GRAMD2A: variants seen among roughly 807,000 people sequenced by gnomAD.
The protein encoded by GRAMD2A is GRAM domain containing 2A.
A neutral mutation model predicts 51.1 loss-of-function variants in GRAMD2A; 37 were observed. The observed-to-expected ratio is 0.72, with a 90% CI of 0.56 to 0.95. The LOEUF is 0.95. Among genes scored for constraint, GRAMD2A ranks in the 40% least tolerant of loss-of-function variants. The probability of loss-of-function intolerance (pLI) is 0.00; values close to 1 mark genes in which losing one functional copy is unlikely to be tolerated. For synonymous variants in GRAMD2A, 136 were observed against 157.1 expected (o/e 0.87, Z 1.01); for missense variants, 414 against 426.9 (o/e 0.97, Z 0.27).
chr15:72,197,007 A>T (rs1211166886), intron 1 of GRAMD2A, among the ~76,000 whole-genome samples: 2 of 152,176 alleles, frequency 1.3e-5, no homozygotes, highest in East Asian at 3.9e-4. Context: ...GGTTCCCCCA[A>T]ACAATGTCAC....
chr15:72,162,292 C>CATCCCA lies in GRAMD2A; in HGVS notation c.1036_1041dup (p.Trp346_Asp347dup). ...CCTCACCTGTGCCCAGGGACTGGGT[C>CATCCCA]ATCCCAACTCAAGGAGCATAACTGC... is the stretch of plus-strand genomic sequence containing the variant. On this transcript the variant is annotated inframe_insertion, in exon 11 of 12. Transcript: ENST00000309731. 2 of 1,613,454 alleles carry CATCCCA rather than the reference C, an allele frequency of 1.2e-6. No individual in the cohort carries two copies. The highest frequency in any genetic ancestry group is 8.5e-7 in the Non-Finnish European group (1 of 1,179,402).
Position 72,163,590 on chromosome 15 carries a change from T to G in GRAMD2A, c.745+23A>C, listed in dbSNP as rs373334742. ...GTCTGGCCTTTGCAAGTAGTTGCCATGGACAAGCCCTCCCGAACTTACCAG... is the reference window on the plus strand; with the variant it reads ...GTCTGGCCTTTGCAAGTAGTTGCCAGGGACAAGCCCTCCCGAACTTACCAG... On this transcript the variant is annotated intron_variant, in intron 9 of 11. Coordinates refer to ENST00000309731, the MANE Select transcript of GRAMD2A (RefSeq NM_001012642.3). The G allele has an allele frequency of 8.8e-6, 14 of 1,590,520 alleles. No homozygotes were observed. The Admixed American group carries it at 9.2e-5, about 10-fold the overall frequency.
intron 10 of GRAMD2A, among the ~76,000 whole-genome samples, chr15:72,163,050 C>G (rs1019526699): frequency 7.2e-5 from 11 of 152,144 alleles, no homozygotes; most frequent in Non-Finnish European, 2.9e-5. Context: ...TAGTCTTAAC[C>G]CTAAATTACA....
At chr15:72,167,239 T>C in intron 5 of GRAMD2A, 147 bp from the exon 6 acceptor site, 1 of 650,358 alleles carries the variant, frequency 1.5e-6, no homozygotes, top group South Asian at 1.8e-5. Context: ...CCTTCTACCT[T>C]TTCATCCAGG....
chr15:72,178,967 G>A (rs2081676982), intron 1 of GRAMD2A, among the ~76,000 whole-genome samples: 1 of 152,164 alleles, frequency 6.6e-6, no homozygotes, highest in African/African-American at 2.4e-5. Context: ...CCACTGACTG[G>A]AGGAGGGGAG....
chr15:72,181,087 T>C (rs2081693585), intron 1 of GRAMD2A, among the ~76,000 whole-genome samples: 2 of 152,152 alleles, frequency 1.3e-5, no homozygotes, highest in South Asian at 4.1e-4. Context: ...GGGGTTGCCA[T>C]ATACAAAGGC....
intron 1 of GRAMD2A, among the ~76,000 whole-genome samples, chr15:72,194,356 G>A (rs530331165): frequency 4.6e-5 from 7 of 152,328 alleles, no homozygotes; most frequent in South Asian, 2.1e-4. Flanking sequence ...AACATCTTCC[G>A]AAACTGGGAA....
chr15:72,192,025 T>C (rs543040841), intron 1 of GRAMD2A, among the ~76,000 whole-genome samples: 1 of 152,348 alleles, frequency 6.6e-6, no homozygotes, highest in Non-Finnish European at 1.5e-5. Context: ...CTGCCATTTT[T>C]TAGATGTAAT....
chr15:72,197,658 C>T, intron 1 of GRAMD2A, 73 bp downstream of exon 1: 1 of 1,191,454 alleles, frequency 8.4e-7, no homozygotes. Context: ...AGCCGTCCTG[C>T]CCCGCGCGGC....
chr15:72,169,019 C>A lies in GRAMD2A; in HGVS notation c.135-23G>T, dbSNP rs1343185590. 1.9e-6 allele frequency: 3 copies of A among 1,612,186 alleles called. No individual in the cohort carries two copies. In the Admixed American group the frequency reaches 5.0e-5, roughly 27 times the overall value. ...AGACTGCAAAGGAGACATTCCATTT[C>A]GGGAACAAGGAACCCCAGTCCTGCC... On this transcript the variant is annotated intron_variant, in intron 2 of 11. Transcript: ENST00000309731.
chr15:72,193,541 G>A (rs1480150622), intron 1 of GRAMD2A, among the ~76,000 whole-genome samples: 2 of 132,466 alleles, frequency 1.5e-5, no homozygotes, highest in Non-Finnish European at 3.1e-5. Flanking sequence ...TTTTTTTTTC[G>A]AGACGCAGTC....
intron 1 of GRAMD2A, among the ~76,000 whole-genome samples, chr15:72,186,272 C>T (rs2081733400): frequency 6.6e-6 from 1 of 151,820 alleles, no homozygotes; most frequent in Admixed American, 6.6e-5. Flanking sequence ...TTCTAATATA[C>T]ATCAAATGCC....
intron 2 of GRAMD2A, chr15:72,169,594 C>A (rs1198442346): frequency 1.5e-6 from 1 of 676,114 alleles, no homozygotes; most frequent in Non-Finnish European, 2.7e-6. Flanking sequence ...TTTGCCTTGG[C>A]CAGGTTGGCC....
chr15:72,184,153 C>G (rs1222424533), intron 1 of GRAMD2A, among the ~76,000 whole-genome samples: 1 of 152,270 alleles, frequency 6.6e-6, no homozygotes, highest in East Asian at 1.9e-4. Context: ...ACTGCCCTCG[C>G]CCCACGGCCT....
chr15:72,169,429 T>G (rs1596683456), intron 2 of GRAMD2A: 1 of 507,978 alleles, frequency 2.0e-6, no homozygotes, highest in South Asian at 1.5e-5. Context: ...CGCCGGGGCC[T>G]GGCCACAGGC....
rs1304347413 is a variant in GRAMD2A at position 72,163,464 on chromosome 15, G to A, written c.758C>T (p.Ala253Val). The change falls in exon 10 of 12, where the codon GCC becomes GTC. Residue 253 changes from alanine (A) to valine (V), a missense_variant. By Grantham distance (64) the Ala-to-Val change is moderately conservative. Transcript: ENST00000309731. The part of the protein sequence containing the change: ...RKPPMSEKSR[A>V]QVASENGGRW... The stretch of plus-strand genomic sequence containing the variant: ...CCCACCATTTTCTGAAGCTACTTGG[G>A]CTCTTGACTTTTCTTTATGGATTGG... 6.2e-7 allele frequency: 1 copy of A among 1,613,848 alleles called. No homozygotes were observed. The highest frequency in any genetic ancestry group is 1.6e-4 in the Middle Eastern group (1 of 6,062).
chr15:72,189,743 C>T (rs192354179), intron 1 of GRAMD2A, among the ~76,000 whole-genome samples: 1 of 152,114 alleles, frequency 6.6e-6, no homozygotes, highest in Non-Finnish European at 1.5e-5. Context: ...ACCTATGAAG[C>T]AGGTTAGATG....
In GRAMD2A at chr15:72,167,022, A is replaced by G; in HGVS notation, c.443T>C (p.Leu148Pro). The change falls in exon 6 of 12, where the codon CTG becomes CCG. Residue 148 changes from leucine to proline, a missense_variant. Transcript: ENST00000309731. ...HKMARLLPNGLAITTNTSQKY... is the reference protein window; with the variant it reads ...HKMARLLPNGPAITTNTSQKY... ...CTGGCTGGTGTTGGTGGTGATGGCC[A>G]GTCCATTGGGAAGGAGCCGTGCCAT... 6.2e-7 allele frequency: 1 copy of G among 1,614,102 alleles called. No individual in the cohort carries two copies.
intron 1 of GRAMD2A, among the ~76,000 whole-genome samples, chr15:72,173,318 G>T (rs925889218): frequency 1.3e-5 from 2 of 152,146 alleles, no homozygotes; most frequent in Non-Finnish European, 2.9e-5. Flanking sequence ...CACATCCTTA[G>T]GTTCAAATGT....
Sources: allele counts gnomAD v4.1 joint callset (sites outside exome capture counted in the v4.1 genomes callset), GRCh38; gene constraint gnomAD v4.1.1; transcripts MANE v1.5; gene names NCBI Gene and HGNC (gene_info 2026-07-23, HGNC 2026-07-21).